Variants in CLCC1 observed in about 807,000 individuals in gnomAD.
The protein encoded by CLCC1 is chloride channel CLIC-like protein 1.
Under a neutral mutation model 63.3 loss-of-function variants are expected in CLCC1, and 39 were observed. The observed-to-expected ratio is 0.62, with a 90% confidence interval of 0.48 to 0.81. CLCC1 has a LOEUF of 0.81. CLCC1 is among the 30% of genes least tolerant of loss of function. CLCC1 has a pLI of 0.00. For synonymous variants in CLCC1, 217 were observed against 239.8 expected (o/e 0.90, Z 0.88); for missense variants, 549 against 669.4 (o/e 0.82, Z 1.98).
At chr1:108,949,289 C>T (rs2101680131) in intron 4 of CLCC1, among the ~76,000 whole-genome samples, 1 of 152,344 alleles carries the variant, frequency 6.6e-6, no homozygotes, top group South Asian at 2.1e-4. Flanking sequence ...GTGGCTCCCA[C>T]AGCACATAAC....
intron 2 of CLCC1, among the ~76,000 whole-genome samples, chr1:108,954,750 G>A (rs1655647953): frequency 6.6e-6 from 1 of 151,052 alleles, no homozygotes; most frequent in Admixed American, 6.6e-5. Flanking sequence ...TATGGTTGTG[G>A]AACGAGTTCA....
chr1:108,931,423 A>C lies in CLCC1; in HGVS notation c.*1124T>G. 6.4e-7 allele frequency: 1 copy of C among 1,551,122 alleles called. No individual in the cohort carries two copies. Among genetic ancestry groups the C allele is most frequent in the Non-Finnish European group, 8.7e-7 (1 of 1,147,104 alleles). ...GAGTAACACTGGATCACAGACTGCA[A>C]AGGCCCACGCTTGGAACAAGTTGCC... On this transcript the variant is annotated 3_prime_UTR_variant, in exon 13 of 13. Transcript: ENST00000369969.
chr1:108,945,086 C>T (rs1343214416), intron 5 of CLCC1, among the ~76,000 whole-genome samples: 2 of 152,214 alleles, frequency 1.3e-5, no homozygotes, highest in African/African-American at 2.4e-5. Flanking sequence ...TGTTTCTGTA[C>T]ATTCCTGTTT....
At chr1:108,940,772 G>C (rs1477833340) in intron 8 of CLCC1, among the ~76,000 whole-genome samples, 1 of 152,202 alleles carries the variant, frequency 6.6e-6, no homozygotes, top group South Asian at 2.1e-4. Context: ...AAGGAAGGCT[G>C]AATTGGTTTA....
intron 10 of CLCC1, among the ~76,000 whole-genome samples, chr1:108,938,466 AAG>A (rs1653340324): frequency 6.6e-6 from 1 of 152,180 alleles, no homozygotes; most frequent in African/African-American, 2.4e-5. Flanking sequence ...AAAACCAAAA[AAG>A]AAACGATTTC....
At chr1:108,937,966 T>G (rs572621006) in intron 10 of CLCC1, among the ~76,000 whole-genome samples, 1 of 152,180 alleles carries the variant, frequency 6.6e-6, no homozygotes, top group Admixed American at 6.5e-5. Flanking sequence ...AGGAGATCTA[T>G]GAGATCAAAA....
chr1:108,949,978 T>C (rs1654992333), intron 3 of CLCC1, 57 bp from the exon 4 acceptor site: 5 of 1,073,506 alleles, frequency 4.7e-6, no homozygotes, highest in Non-Finnish European at 4.2e-6. Context: ...AAAAATAGCC[T>C]TTGGTTAATG....
intron 10 of CLCC1, among the ~76,000 whole-genome samples, chr1:108,938,593 T>C (rs899432684): frequency 3.3e-5 from 5 of 152,156 alleles, no homozygotes; most frequent in African/African-American, 1.2e-4. Context: ...AGCTAAAAAA[T>C]CGATAACAAA....
At position 108,943,464 on chromosome 1, in the gene CLCC1, C is replaced by G; in HGVS notation, c.702+11G>C. ...GTGTTAAAATTGTAAAACCCTCCAT[C>G]CATATAATACCTTATATAAATACAT... On this transcript the variant is annotated intron_variant, in intron 7 of 12. Transcript: ENST00000369969. The G allele has an allele frequency of 6.2e-7, 1 of 1,605,122 alleles. No individual in the cohort carries two copies. The highest frequency in any genetic ancestry group is 1.1e-5 in the South Asian group (1 of 89,858).
At chr1:108,956,913 G>A (rs1230830000) in intron 2 of CLCC1, among the ~76,000 whole-genome samples, 1 of 67,898 alleles carries the variant, frequency 1.5e-5, no homozygotes. Context: ...GGCGGGGAGG[G>A]AGTGGTAGAC....
chr1:108,937,147 C>A lies in CLCC1; in HGVS notation c.1313G>T (p.Ser438Ile). The A allele has an allele frequency of 1.3e-6, 2 of 1,568,232 alleles. No homozygotes were observed. Among genetic ancestry groups the A allele is most frequent in the South Asian group, 1.2e-5 (1 of 82,350 alleles). Reference protein sequence around the residue: ...VDLRFQTGNKSPEVLRAFDVP... With the variant: ...VDLRFQTGNKIPEVLRAFDVP... ...ATCAAATGCCCGGAGCACTTCAGGG[C>A]TCTTGTTGCCAGTCTGAAATCTCAA... Residue 438 changes from serine to isoleucine, a missense_variant, in exon 11 of 13, where the codon AGC becomes ATC. Ser to Ile is a moderately radical substitution (Grantham distance 142, BLOSUM62 -2). Transcript: ENST00000369969.
At position 108,947,632 on chromosome 1, in the gene CLCC1, A is replaced by G; in HGVS notation, c.318T>C (p.Ile106=). 1 of 1,609,526 alleles carries G rather than the reference A, an allele frequency of 6.2e-7. No homozygotes were observed. Among genetic ancestry groups the G allele is most frequent in the Non-Finnish European group, 8.5e-7 (1 of 1,176,996 alleles). The change falls in exon 5 of 13, where the codon ATT becomes ATC. Residue 106 remains isoleucine (I), a synonymous_variant. Transcript: ENST00000369969. ...TCACAAGTCCAAGCTTTCCAGCTTC[A>G]ATTAAAATCTTATTTAAGTATCTCC... ...VFRRYLNKIL[I]EAGKLGLPDE...
rs181380469 is a variant in CLCC1, at chr1:108,958,812, G to A, written c.-12+3497C>T. On this transcript the variant is annotated intron_variant, in intron 2 of 12. Coordinates refer to ENST00000369969, the MANE Select transcript of CLCC1 (RefSeq NM_001377458.1). ...GGAGAATTGCTTAAACCCGGGAGGC[G>A]GAGGTTGTAGTGAGCCAAGATTACA... Among the ~76,000 whole-genome samples the A allele has an allele frequency of 1.3e-3, 191 of 151,286 alleles. 4 individuals carry two copies. Among genetic ancestry groups the A allele is most frequent in the African/African-American group, 4.2e-3 (169 of 40,662 alleles).
In CLCC1 at chr1:108,929,850, C is replaced by CAA; in HGVS notation, c.*2696_*2697insTT. 2 of 1,613,878 alleles carry CAA rather than the reference C, an allele frequency of 1.2e-6. No individual in the cohort carries two copies. Among genetic ancestry groups the CAA allele is most frequent in the South Asian group, 1.1e-5 (1 of 91,080 alleles). On this transcript the variant is annotated 3_prime_UTR_variant, in exon 13 of 13. Transcript: ENST00000369969. Reference sequence around the variant, plus strand: ...GAGTTCTTTTACAAAGAGATCAAAACAGAGACACTGACTTTGGGCTAAAGG... The same window carrying CAA: ...GAGTTCTTTTACAAAGAGATCAAAACAAAGAGACACTGACTTTGGGCTAAAGG...
At chr1:108,960,077 T>A (rs1375811092) in intron 2 of CLCC1, among the ~76,000 whole-genome samples, 6 of 152,058 alleles carry the variant, frequency 3.9e-5, no homozygotes, top group Non-Finnish European at 8.8e-5. Flanking sequence ...GAAGCTGCAC[T>A]GAGCCGAGAT....
intron 7 of CLCC1, among the ~76,000 whole-genome samples, chr1:108,942,034 G>A (rs868489149): frequency 6.6e-6 from 1 of 152,166 alleles, no homozygotes; most frequent in South Asian, 2.1e-4. Context: ...TGCCTTCTCT[G>A]TAAGTAATTA....
rs767914869 is a variant in CLCC1 at position 108,937,367 on chromosome 1, C to T, written c.1093G>A (p.Gly365Ser). ...GCCTGGGGAGGTTCGCTCTCAGGAC[C>T]GCCTATATGTCTCAGCACATGAACT... is the stretch of plus-strand genomic sequence containing the variant. Reference protein sequence around the residue: ...KSVHVLRHIGGPESEPPQALR... With the variant: ...KSVHVLRHIGSPESEPPQALR... The change falls in exon 11 of 13, where the codon GGT (glycine) becomes AGT (serine). Residue 365 changes from glycine to serine, a missense_variant. Gly to Ser is a moderately conservative substitution (Grantham distance 56). Transcript: ENST00000369969. The T allele has an allele frequency of 1.2e-6, 2 of 1,613,766 alleles. No individual in the cohort carries two copies. The highest frequency in any genetic ancestry group is 1.7e-6 in the Non-Finnish European group (2 of 1,179,888).
intron 3 of CLCC1, 139 bp from the exon 4 acceptor site, chr1:108,950,060 A>T (rs1437969999): frequency 1.5e-6 from 1 of 677,812 alleles, no homozygotes; most frequent in Non-Finnish European, 2.4e-6. Flanking sequence ...GAACCACAAA[A>T]AAAAAGTTTC....
At chr1:108,958,958 A>G (rs1217788815) in intron 2 of CLCC1, among the ~76,000 whole-genome samples, 2 of 151,056 alleles carry the variant, frequency 1.3e-5, no homozygotes, top group African/African-American at 4.9e-5. Context: ...CGGATCACCC[A>G]AGATCGGGAG....
Sources: gnomAD v4.1 joint callset for allele counts (sites outside exome capture counted in the v4.1 genomes callset) on GRCh38, gnomAD v4.1.1 for gene constraint, MANE v1.5 for transcripts, NCBI Gene and HGNC (gene_info 2026-07-23, HGNC 2026-07-21) for gene names.